The following NEMP2 variants were observed in gnomAD, a reference collection of about 807,000 sequenced individuals.
NEMP2 encodes the protein nuclear envelope integral membrane protein 2.
NEMP2 carries 53 observed loss-of-function variants against 54.2 expected under a neutral mutation model. The ratio of observed to expected loss-of-function variants is 0.98; its 90% CI spans 0.78 to 1.23. The LOEUF is 1.23. NEMP2 is among the 50% of genes most tolerant of loss of function. NEMP2 has a pLI of 0.00. For missense variants in NEMP2, 455 were observed against 511.3 expected (o/e 0.89, Z 1.06); for synonymous variants, 197 against 190.3 (o/e 1.04, Z -0.29).
At chr2:190,558,919 G>A in the NEMP2 span, among the ~76,000 whole-genome samples, 1 of 152,120 alleles carries the variant, frequency 6.6e-6, no homozygotes, top group African/African-American at 2.4e-5. The surrounding 1 kb of genome is among the most constrained non-coding windows in gnomAD (Gnocchi z 4.4). Context: ...AATATTATAT[G>A]TAAAGAAAAT....
the NEMP2 span, among the ~76,000 whole-genome samples, chr2:190,477,989 G>A: frequency 0.3 from 45,829 of 152,050 alleles, 7,644 homozygotes; most frequent in East Asian, 0.46. Context: ...GAACAGAATG[G>A]CCTCTTCAGG....
the NEMP2 span, among the ~76,000 whole-genome samples, chr2:190,484,099 T>C: frequency 6.6e-6 from 1 of 152,144 alleles, no homozygotes; most frequent in African/African-American, 2.4e-5. Context: ...TTTAAGCACC[T>C]GTTATGTGAG....
chr2:190,446,682 G>T, the NEMP2 span, among the ~76,000 whole-genome samples: 1 of 152,200 alleles, frequency 6.6e-6, no homozygotes, highest in African/African-American at 2.4e-5. Context: ...GTTGGCCAGA[G>T]ATAGGGAATC....
the NEMP2 span, among the ~76,000 whole-genome samples, chr2:190,429,047 A>G: frequency 6.6e-6 from 1 of 152,226 alleles, no homozygotes; most frequent in Middle Eastern, 3.4e-3. Context: ...TTCACTGGCG[A>G]TTAATCAAGT....
the NEMP2 span, among the ~76,000 whole-genome samples, chr2:190,438,611 C>T: frequency 6.6e-6 from 1 of 152,224 alleles, no homozygotes; most frequent in Non-Finnish European, 1.5e-5. The surrounding 1 kb of genome is among the most constrained non-coding windows in gnomAD (Gnocchi z 5.2). Context: ...GATCTTTCTG[C>T]TCTGTTGGCT....
chr2:190,526,466 A>C (rs1690941464), intron 1 of NEMP2, among the ~76,000 whole-genome samples: 1 of 152,252 alleles, frequency 6.6e-6, no homozygotes, highest in Non-Finnish European at 1.5e-5. Flanking sequence ...TTTTAGAAAG[A>C]ATATTCTGTA....
At chr2:190,468,451 G>T in the NEMP2 span, among the ~76,000 whole-genome samples, 5 of 143,642 alleles carry the variant, frequency 3.5e-5, no homozygotes, top group Non-Finnish European at 6.2e-5. Context: ...TTATAGGAAT[G>T]AATTTTTTTT....
At chr2:190,429,228 G>A in the NEMP2 span, among the ~76,000 whole-genome samples, 1 of 29,814 alleles carries the variant, frequency 3.4e-5, no homozygotes, top group East Asian at 1.3e-3. Flanking sequence ...CTTTTGTTAC[G>A]TGTGTGTGTG....
intron 7 of NEMP2, among the ~76,000 whole-genome samples, chr2:190,511,579 G>C (rs1320982831): frequency 7.4e-6 from 1 of 134,734 alleles, no homozygotes; most frequent in Non-Finnish European, 1.5e-5. Context: ...TTTTGAGCCA[G>C]AGTCTCGCTC....
the NEMP2 span, among the ~76,000 whole-genome samples, chr2:190,631,985 G>A: frequency 1.4e-3 from 220 of 152,352 alleles, 2 homozygotes; most frequent in Admixed American, 0.014. Context: ...GAGCTCAGGA[G>A]GTAGAGCCTG....
At chr2:190,612,065 A>G in the NEMP2 span, among the ~76,000 whole-genome samples, 1 of 152,062 alleles carries the variant, frequency 6.6e-6, no homozygotes, top group African/African-American at 2.4e-5. Context: ...TCCTTTCATA[A>G]ATTCCCTTTC....
At chr2:190,641,899 A>G in the NEMP2 span, among the ~76,000 whole-genome samples, 1 of 152,242 alleles carries the variant, frequency 6.6e-6, no homozygotes, top group Admixed American at 6.5e-5. Context: ...TCCTTAAAAA[A>G]TTTCCCGAAA....
the NEMP2 span, among the ~76,000 whole-genome samples, chr2:190,469,128 A>T: frequency 6.6e-6 from 1 of 152,192 alleles, no homozygotes; most frequent in Non-Finnish European, 1.5e-5. The surrounding 1 kb of genome is among the most constrained non-coding windows in gnomAD (Gnocchi z 5.3). Context: ...TTAGTTTTGT[A>T]AACATATGAT....
chr2:190,456,832 T>G, the NEMP2 span, among the ~76,000 whole-genome samples: 19 of 152,326 alleles, frequency 1.2e-4, no homozygotes, highest in Non-Finnish European at 2.5e-4. The surrounding 1 kb of genome is among the most constrained non-coding windows in gnomAD (Gnocchi z 5.4). Context: ...TTCAGCGCAT[T>G]TCTTCTCATA....
At chr2:190,489,944 A>C in the NEMP2 span, 4 of 1,267,582 alleles carry the variant, frequency 3.2e-6, no homozygotes, top group Admixed American at 8.4e-5. The surrounding 1 kb of genome is among the most constrained non-coding windows in gnomAD (Gnocchi z 6.6). Context: ...AGAAGCCTAG[A>C]AGTGGTACAG....
At chr2:190,561,029 G>A in the NEMP2 span, among the ~76,000 whole-genome samples, 2 of 152,280 alleles carry the variant, frequency 1.3e-5, no homozygotes, top group Non-Finnish European at 1.5e-5. The surrounding 1 kb of genome is among the most constrained non-coding windows in gnomAD (Gnocchi z 5.4). Flanking sequence ...TGGAGCAGAG[G>A]TGTGCCCAGT....
chr2:190,606,447 T>TA, the NEMP2 span, among the ~76,000 whole-genome samples: 1 of 152,148 alleles, frequency 6.6e-6, no homozygotes, highest in African/African-American at 2.4e-5. Flanking sequence ...CATGGTGGCT[T>TA]ACGCCTGTAA....
chr2:190,509,234 C>G lies in NEMP2; in HGVS notation c.1209G>C (p.Gly403=). 1.3e-6 allele frequency: 2 copies of G among 1,551,644 alleles called. No individual in the cohort carries two copies. The highest frequency in any genetic ancestry group is 1.7e-6 in the Non-Finnish European group (2 of 1,146,986). Residue 403 remains glycine, a synonymous_variant, in exon 9 of 9, where the codon GGG becomes GGC. Transcript: ENST00000409150. This position sits in a 1 kb window ranked among gnomAD's most constrained non-coding sequence, Gnocchi z 6.1. Reference sequence around the variant, plus strand: ...AGAGCTGCTCTTCCAAGAAGGCACCCCCAAGGCCATACTGCTCTTCATGCA... The same window carrying G: ...AGAGCTGCTCTTCCAAGAAGGCACCGCCAAGGCCATACTGCTCTTCATGCA... ...ISLHEEQYGL[G]GAFLEEQLFN...
chr2:190,614,920 G>A, the NEMP2 span, among the ~76,000 whole-genome samples: 2 of 152,156 alleles, frequency 1.3e-5, no homozygotes, highest in East Asian at 1.9e-4. The surrounding 1 kb of genome is among the most constrained non-coding windows in gnomAD (Gnocchi z 5.7). Flanking sequence ...GAGGGAATGG[G>A]GTTTAAGCCG....
Sources: allele counts gnomAD v4.1 joint callset (sites outside exome capture counted in the v4.1 genomes callset), GRCh38; gene constraint gnomAD v4.1.1; non-coding constraint Gnocchi (gnomAD v3.1); transcripts MANE v1.5; gene names NCBI Gene and HGNC (gene_info 2026-07-23, HGNC 2026-07-21).